GRK3: variants seen among roughly 807,000 people sequenced by gnomAD.
GRK3 encodes the protein adrenergic, beta, receptor kinase 2.
In GRK3, 54 loss-of-function variants were observed where a neutral mutation model predicts 95.7. The observed-to-expected ratio is 0.56, with a 90% CI of 0.45 to 0.71. The LOEUF (loss-of-function observed/expected upper bound fraction) is 0.71. Ranked by LOEUF, GRK3 falls within the 30% of genes least tolerant of loss-of-function variation. The probability of loss-of-function intolerance (pLI) is 0.00; values close to 1 mark genes in which losing one functional copy is unlikely to be tolerated. For missense variants in GRK3, 649 were observed against 851.2 expected (o/e 0.76, Z 2.96); for synonymous variants, 281 against 290.8 (o/e 0.97, Z 0.34).
intron 2 of GRK3, among the ~76,000 whole-genome samples, chr22:25,630,060 CTT>C (rs2084654041): frequency 6.6e-6 from 1 of 152,148 alleles, no homozygotes; most frequent in African/African-American, 2.4e-5. Flanking sequence ...TTTCAATAAA[CTT>C]TTATTGATTT....
intron 1 of GRK3, among the ~76,000 whole-genome samples, chr22:25,580,088 C>G (rs188085580): frequency 1.3e-5 from 2 of 152,190 alleles, no homozygotes; most frequent in Admixed American, 6.5e-5. Flanking sequence ...TATGATCAAG[C>G]CTTTTGAGGT....
chr22:25,600,655 A>C (rs753056727), intron 1 of GRK3, among the ~76,000 whole-genome samples: 1 of 152,184 alleles, frequency 6.6e-6, no homozygotes, highest in Non-Finnish European at 1.5e-5. Context: ...TGCTCTGTAG[A>C]TACTACCCCA....
rs188504932 is a variant in GRK3, at chr22:25,572,556, A to G, written c.113+7403A>G. Among the ~76,000 whole-genome samples the G allele has an allele frequency of 1.7e-4, 26 of 152,268 alleles. 1 individual carries two copies. In the East Asian group the frequency reaches 5.0e-3, roughly 29 times the overall value. On this transcript the variant is annotated intron_variant, in intron 1 of 20. Coordinates refer to ENST00000324198, the MANE Select transcript of GRK3 (RefSeq NM_005160.4). The stretch of plus-strand genomic sequence containing the variant: ...AATGATCGCCCTTCTAACTGGCGTG[A>G]GATGGTATCTCATCGCACTCACACT...
intron 11 of GRK3, among the ~76,000 whole-genome samples, chr22:25,687,997 G>A (rs1243776699): frequency 1.3e-5 from 2 of 152,158 alleles, no homozygotes; most frequent in Non-Finnish European, 2.9e-5. Context: ...AGCACTTTGG[G>A]AGGCCAAGGA....
At chr22:25,623,729 C>A (rs1180059518) in intron 2 of GRK3, among the ~76,000 whole-genome samples, 1 of 152,120 alleles carries the variant, frequency 6.6e-6, no homozygotes, top group Non-Finnish European at 1.5e-5. Context: ...CCAAGCTGTC[C>A]AGGATTCAAA....
At chr22:25,657,485 A>C (rs1336578533) in intron 3 of GRK3, among the ~76,000 whole-genome samples, 2 of 152,170 alleles carry the variant, frequency 1.3e-5, no homozygotes, top group Non-Finnish European at 2.9e-5. Flanking sequence ...AGATGTAGAC[A>C]CTTCAGTCTT....
intron 2 of GRK3, among the ~76,000 whole-genome samples, chr22:25,634,105 T>C (rs1325779699): frequency 6.6e-6 from 1 of 152,248 alleles, no homozygotes; most frequent in Admixed American, 6.5e-5. Flanking sequence ...TCTAATTTGA[T>C]TTATTTTATT....
intron 2 of GRK3, among the ~76,000 whole-genome samples, chr22:25,614,165 T>C (rs2084520356): frequency 6.6e-6 from 1 of 152,192 alleles, no homozygotes; most frequent in Non-Finnish European, 1.5e-5. Flanking sequence ...TCTCATTCTG[T>C]GGCCCAGGCT....
intron 3 of GRK3, among the ~76,000 whole-genome samples, chr22:25,660,885 C>T (rs2084904969): frequency 6.6e-6 from 1 of 152,184 alleles, no homozygotes; most frequent in African/African-American, 2.4e-5. Flanking sequence ...GCCATTTCCA[C>T]ATAAGGCAAA....
chr22:25,638,581 C>T (rs2146376139), intron 2 of GRK3, among the ~76,000 whole-genome samples: 1 of 152,302 alleles, frequency 6.6e-6, no homozygotes, highest in East Asian at 1.9e-4. Context: ...CATTCATAGC[C>T]CTGCCTGAAT....
At chr22:25,674,198 T>TC (rs2085007936) in intron 7 of GRK3, among the ~76,000 whole-genome samples, 1 of 152,146 alleles carries the variant, frequency 6.6e-6, no homozygotes, top group South Asian at 2.1e-4. Context: ...TCCATCATCT[T>TC]CCCTTGTGCC....
At chr22:25,586,529 A>C (rs1932315632) in intron 1 of GRK3, among the ~76,000 whole-genome samples, 1 of 152,298 alleles carries the variant, frequency 6.6e-6, no homozygotes, top group Non-Finnish European at 1.5e-5. Flanking sequence ...TAAATTAAAA[A>C]AAATCATGAC....
At chr22:25,620,009 TGTGTGTGTGTGTGTGTGTGTGTGTG>T (rs2084571257) in intron 2 of GRK3, among the ~76,000 whole-genome samples, 3 of 92,654 alleles carry the variant, frequency 3.2e-5, no homozygotes, top group Admixed American at 9.5e-5. Flanking sequence ...GTCTTTTTTG[TGTGTGTGTGTGTGTGTGTGTGTGTG>T]TGTGTGTGTG....
intron 3 of GRK3, chr22:25,647,534 G>A (rs1164575460): frequency 2.3e-5 from 35 of 1,532,458 alleles, no homozygotes; most frequent in Non-Finnish European, 2.6e-5. Context: ...GGCTTAACAC[G>A]TGGTGTTACT....
chr22:25,707,192 A>G (rs2146459394), intron 15 of GRK3, among the ~76,000 whole-genome samples: 1 of 152,290 alleles, frequency 6.6e-6, no homozygotes, highest in East Asian at 1.9e-4. Context: ...GTGAAGTTGC[A>G]TGCTTTCATG....
intron 1 of GRK3, among the ~76,000 whole-genome samples, chr22:25,589,522 C>CA (rs1226303436): frequency 1.3e-5 from 2 of 152,114 alleles, no homozygotes; most frequent in African/African-American, 4.8e-5. Context: ...ATTATGCCTC[C>CA]AAGCAGTATA....
intron 2 of GRK3, among the ~76,000 whole-genome samples, chr22:25,619,928 C>T (rs1052887340): frequency 1.3e-5 from 2 of 151,124 alleles, no homozygotes; most frequent in African/African-American, 4.9e-5. Flanking sequence ...AAAGTGGTTC[C>T]CTCTCCCCCT....
intron 1 of GRK3, among the ~76,000 whole-genome samples, chr22:25,579,449 G>A (rs1423385039): frequency 1.3e-5 from 2 of 151,776 alleles, no homozygotes; most frequent in Non-Finnish European, 2.9e-5. Flanking sequence ...CCCGACCAAT[G>A]AATGAGGGGA....
intron 2 of GRK3, among the ~76,000 whole-genome samples, chr22:25,625,061 C>T (rs1363692085): frequency 2.0e-5 from 3 of 151,930 alleles, no homozygotes; most frequent in South Asian, 2.1e-4. Context: ...GGACTACAGG[C>T]GCCTGCCACC....
Sources: gnomAD v4.1 joint callset for allele counts (sites outside exome capture counted in the v4.1 genomes callset) on GRCh38, gnomAD v4.1.1 for gene constraint, MANE v1.5 for transcripts, NCBI Gene and HGNC (gene_info 2026-07-23, HGNC 2026-07-21) for gene names.